The following ANXA13 variants were observed in gnomAD, a reference collection of about 807,000 sequenced individuals.
ANXA13 encodes the protein annexin XIII.
ANXA13 carries 36 observed loss-of-function variants against 46.6 expected under a neutral mutation model. The observed-to-expected ratio is 0.77, with a 90% CI of 0.59 to 1.02. ANXA13 has a LOEUF of 1.02. Ranked by LOEUF, ANXA13 falls within the 50% of genes least tolerant of loss-of-function variation. ANXA13 has a pLI of 0.00. For synonymous variants in ANXA13, 163 were observed against 152.9 expected, an observed-to-expected ratio of 1.07 and a Z score of -0.49; for missense variants, 417 against 396.5, an observed-to-expected ratio of 1.05 and a Z score of -0.44.
intron 1 of ANXA13, among the ~76,000 whole-genome samples, chr8:123,733,823 T>G (rs1013576435): frequency 6.6e-6 from 1 of 152,148 alleles, no homozygotes; most frequent in East Asian, 1.9e-4. Context: ...TAATTCAGAC[T>G]CTAGGGCTGG....
intron 1 of ANXA13, among the ~76,000 whole-genome samples, chr8:123,732,908 C>T (rs1814151678): frequency 6.6e-6 from 1 of 152,160 alleles, no homozygotes; most frequent in African/African-American, 2.4e-5. Flanking sequence ...TGCAGTGGCT[C>T]ACACCTGTAA....
intron 1 of ANXA13, among the ~76,000 whole-genome samples, chr8:123,724,135 T>A (rs919058499): frequency 6.6e-6 from 1 of 152,182 alleles, no homozygotes; most frequent in Non-Finnish European, 1.5e-5. Context: ...ACAGTAAATT[T>A]AACCAAGGTG....
intron 1 of ANXA13, among the ~76,000 whole-genome samples, chr8:123,727,041 T>G (rs1814013322): frequency 6.6e-6 from 1 of 152,130 alleles, no homozygotes; most frequent in Non-Finnish European, 1.5e-5. Flanking sequence ...AATGGATTTT[T>G]GGGACTTGGG....
chr8:123,692,715 C>T (rs774630270), intron 8 of ANXA13, among the ~76,000 whole-genome samples: 5 of 152,146 alleles, frequency 3.3e-5, no homozygotes, highest in Admixed American at 6.5e-5. Context: ...CTTATTTAAC[C>T]TTAAAATCAC....
At chr8:123,729,062 G>A (rs1814057934) in intron 1 of ANXA13, 1 of 152,072 alleles carries the variant, frequency 6.6e-6, no homozygotes, top group South Asian at 2.1e-4. Context: ...TTATAAGAAA[G>A]CGGTGATGAT....
In ANXA13 at chr8:123,680,981, A is replaced by C. The variant is rs1045196903; in HGVS notation, c.*259T>G. ...CTGATTTCATTAGTGTTTAGAAAAC[A>C]TCCAGTTACCATGCTAAAAGAAAGT... is the stretch of plus-strand genomic sequence containing the variant. On this transcript the variant is annotated 3_prime_UTR_variant, in exon 11 of 11. Transcript: ENST00000419625. 7.3e-6 allele frequency: 3 copies of C among 411,174 alleles called. No homozygotes were observed. The highest frequency in any genetic ancestry group is 1.3e-5 in the Non-Finnish European group (3 of 228,876). The allele number at this position is 411,174 out of a possible 1,614,324, so 25.5% of individuals were successfully genotyped here. A position where few individuals can be genotyped will look rare whatever the true frequency, so the allele number is the denominator to read the frequency against.
intron 10 of ANXA13, among the ~76,000 whole-genome samples, chr8:123,684,397 A>G (rs1813098124): frequency 6.6e-6 from 1 of 152,228 alleles, no homozygotes; most frequent in South Asian, 2.1e-4. Context: ...CACAGAGGAC[A>G]AAAAAAGAAG....
chr8:123,682,919 G>A (rs1219491818), intron 10 of ANXA13, among the ~76,000 whole-genome samples: 5 of 152,202 alleles, frequency 3.3e-5, no homozygotes. Context: ...CGTGGGCCAT[G>A]TCGGAGTGAT....
intron 1 of ANXA13, among the ~76,000 whole-genome samples, chr8:123,734,673 A>T (rs2129959256): frequency 6.6e-6 from 1 of 151,806 alleles, no homozygotes; most frequent in Non-Finnish European, 1.5e-5. Context: ...GTTGTCAATT[A>T]TCTATGGGCC....
intron 1 of ANXA13, among the ~76,000 whole-genome samples, chr8:123,721,738 T>A (rs1378835705): frequency 6.6e-6 from 1 of 152,192 alleles, no homozygotes; most frequent in East Asian, 1.9e-4. Flanking sequence ...AAACTCAAAA[T>A]TGAGAATGAC....
intron 2 of ANXA13, among the ~76,000 whole-genome samples, chr8:123,704,528 C>T (rs1354810117): frequency 6.6e-6 from 1 of 151,982 alleles, no homozygotes; most frequent in East Asian, 1.9e-4. Context: ...TCCCGAGTAG[C>T]TGGGATTACA....
At chr8:123,721,829 A>C (rs995212488) in intron 1 of ANXA13, among the ~76,000 whole-genome samples, 5 of 152,158 alleles carry the variant, frequency 3.3e-5, no homozygotes, top group Non-Finnish European at 5.9e-5. Flanking sequence ...TTCTCCCAAC[A>C]ACCCTATGGG....
intron 1 of ANXA13, among the ~76,000 whole-genome samples, chr8:123,732,371 C>T (rs1002021189): frequency 2.0e-5 from 3 of 152,192 alleles, no homozygotes; most frequent in African/African-American, 7.2e-5. Flanking sequence ...AGCCCACAGT[C>T]TAGTAAGCAC....
chr8:123,698,297 A>G, intron 4 of ANXA13, 92 bp downstream of exon 4: 2 of 1,411,304 alleles, frequency 1.4e-6, no homozygotes, highest in Non-Finnish European at 2.0e-6. Flanking sequence ...CAGTCCATGG[A>G]TAGAATGCTG....
intron 7 of ANXA13, 137 bp from the exon 8 acceptor site, chr8:123,693,435 C>A (rs575788346): frequency 1.6e-5 from 12 of 768,928 alleles, no homozygotes; most frequent in South Asian, 3.5e-5. Flanking sequence ...GCACTTTCAG[C>A]TTCTAACCCA....
intron 1 of ANXA13, chr8:123,735,882 G>A: frequency 6.3e-7 from 1 of 1,587,724 alleles, no homozygotes; most frequent in Non-Finnish European, 8.6e-7. Flanking sequence ...CTGGCTCTGA[G>A]GATTAAAAAA....
At chr8:123,735,759 TG>T in intron 1 of ANXA13, 1 of 1,611,282 alleles carries the variant, frequency 6.2e-7, no homozygotes, top group Non-Finnish European at 8.5e-7. Flanking sequence ...GCTTACAGGC[TG>T]TGGGGCCTCT....
chr8:123,733,038 C>T (rs1009230190), intron 1 of ANXA13, among the ~76,000 whole-genome samples: 2 of 152,080 alleles, frequency 1.3e-5, no homozygotes, highest in African/African-American at 4.8e-5. Flanking sequence ...TGGCACATGC[C>T]TGTAGTCCCA....
intron 3 of ANXA13, 37 bp downstream of exon 3, chr8:123,702,605 G>T: frequency 6.4e-7 from 1 of 1,558,444 alleles, no homozygotes; most frequent in Non-Finnish European, 8.9e-7. Flanking sequence ...CTGAGGCCAT[G>T]GCTGGGTGCA....
Sources: gnomAD v4.1 joint callset for allele counts (sites outside exome capture counted in the v4.1 genomes callset) on GRCh38, gnomAD v4.1.1 for gene constraint, MANE v1.5 for transcripts, NCBI Gene and HGNC (gene_info 2026-07-23, HGNC 2026-07-21) for gene names.